KDM3B: variants seen among roughly 807,000 people sequenced by gnomAD.
KDM3B encodes the protein lysine-specific demethylase 3B.
A neutral mutation model predicts 170.0 loss-of-function variants in KDM3B; 10 were observed. The observed-to-expected ratio is 0.06, with a 90% CI of 0.04 to 0.10. KDM3B has a LOEUF of 0.10. Among genes scored for constraint, KDM3B ranks in the 10% least tolerant of loss-of-function variants. The pLI is 1.00. For missense variants in KDM3B, 1,394 were observed against 2,195.2 expected (o/e 0.64, Z 7.29); for synonymous variants, 831 against 834.8 (o/e 1.00, Z 0.08).
chr5:138,391,145 T>G lies in KDM3B; in HGVS notation c.1513T>G (p.Phe505Val), dbSNP rs750714428. ...AGCCACAGAGAACAAACCTTTGGGC[T>G]TCTCTTTTGGCTGTAGCTCTGCACA... The part of the protein sequence containing the change: ...VLATENKPLG[F>V]SFGCSSAQEA... The change falls in exon 8 of 24, where the codon TTC becomes GTC. Residue 505 changes from phenylalanine to valine, a missense_variant. Coordinates refer to ENST00000314358, the MANE Select transcript of KDM3B (RefSeq NM_016604.4). This position sits in a 1 kb window ranked among gnomAD's most constrained non-coding sequence, Gnocchi z 5.0. 6.2e-7 allele frequency: 1 copy of G among 1,614,200 alleles called. No homozygotes were observed. Among genetic ancestry groups the G allele is most frequent in the Non-Finnish European group, 8.5e-7 (1 of 1,180,010 alleles).
At chr5:138,410,393 C>T (rs1159819991) in intron 11 of KDM3B, among the ~76,000 whole-genome samples, 1 of 152,044 alleles carries the variant, frequency 6.6e-6, no homozygotes, top group Non-Finnish European at 1.5e-5. Context: ...CCCACACATA[C>T]ATAATCAATT....
intron 11 of KDM3B, among the ~76,000 whole-genome samples, chr5:138,401,230 C>A (rs1244706963): frequency 4.1e-5 from 6 of 146,408 alleles, no homozygotes; most frequent in Non-Finnish European, 7.4e-5. Flanking sequence ...GAGATCACGC[C>A]ACTGTACTCC....
chr5:138,358,813 T>G (rs1470949883), intron 1 of KDM3B, among the ~76,000 whole-genome samples: 1 of 149,644 alleles, frequency 6.7e-6, no homozygotes, highest in Non-Finnish European at 1.5e-5. Flanking sequence ...ATTATTATAC[T>G]TTAAGTTTTA....
intron 11 of KDM3B, among the ~76,000 whole-genome samples, chr5:138,403,546 G>A (rs1423537004): frequency 9.2e-5 from 14 of 151,926 alleles, no homozygotes; most frequent in Non-Finnish European, 1.9e-4. Flanking sequence ...GCATGGTGGC[G>A]GGTGCCTGTA....
chr5:138,352,982 CT>C lies in KDM3B; in HGVS notation c.188del (p.Leu63GlnfsTer5), dbSNP rs1488914959. 1 of 1,231,730 alleles carries C rather than the reference CT, an allele frequency of 8.1e-7. No homozygotes were observed. Among genetic ancestry groups the C allele is most frequent in the African/African-American group, 1.6e-5 (1 of 63,690 alleles). 76.3% of individuals were successfully genotyped at this position (1,231,730 alleles called of 1,614,324 possible). A position where few individuals can be genotyped will look rare whatever the true frequency, so the allele number is the denominator to read the frequency against. ...CATGAGCGGGGCGGTGCCCCAGGACCTAGCGGTGAGTGGCGGCCGAGTCGGG... is the reference window on the plus strand; with the variant it reads ...CATGAGCGGGGCGGTGCCCCAGGACCAGCGGTGAGTGGCGGCCGAGTCGGG... Reference protein sequence around the residue: ...RAMSGAVPQDLAIFVEFDGCN... With the variant: ...RAMSGAVPQDXAIFVEFDGCN... On this transcript the variant is annotated frameshift_variant, in exon 1 of 24. Coordinates refer to ENST00000314358, the MANE Select transcript of KDM3B (RefSeq NM_016604.4). LOFTEE classifies it high-confidence loss of function.
At chr5:138,397,438 G>A (rs569707451) in intron 9 of KDM3B, among the ~76,000 whole-genome samples, 42 of 152,160 alleles carry the variant, frequency 2.8e-4, no homozygotes, top group Non-Finnish European at 4.7e-4. Flanking sequence ...AGCCCAGGAG[G>A]TCAAGGCTGC....
At chr5:138,380,080 C>T (rs905169575) in intron 5 of KDM3B, among the ~76,000 whole-genome samples, 3 of 152,024 alleles carry the variant, frequency 2.0e-5, no homozygotes, top group Admixed American at 1.3e-4. Context: ...ATTTGCCTCT[C>T]GGGCTCAAGC....
At chr5:138,434,035 C>T (rs1763608064) in intron 23 of KDM3B, among the ~76,000 whole-genome samples, 1 of 152,112 alleles carries the variant, frequency 6.6e-6, no homozygotes, top group East Asian at 1.9e-4. Flanking sequence ...TCACCGTGCC[C>T]GTCCAACATT....
chr5:138,381,753 G>A lies in KDM3B; in HGVS notation c.780+163G>A, dbSNP rs1580896197. On this transcript the variant is annotated intron_variant, in intron 6 of 23. Coordinates refer to ENST00000314358, the MANE Select transcript of KDM3B (RefSeq NM_016604.4). The stretch of plus-strand genomic sequence containing the variant: ...TCCACAGTCTGTCTAATTAAGGGGG[G>A]ATATTCTCAAGAAAGAGACCTAGTT... 5.5e-6 allele frequency: 3 copies of A among 542,588 alleles called. No individual in the cohort carries two copies. The South Asian group carries it at 8.7e-5, about 16-fold the overall frequency. 33.6% of individuals were successfully genotyped at this position (542,588 alleles called of 1,614,324 possible). A position where few individuals can be genotyped will look rare whatever the true frequency, so the allele number is the denominator to read the frequency against.
chr5:138,372,091 C>T (rs924545009), intron 1 of KDM3B, among the ~76,000 whole-genome samples: 1 of 152,088 alleles, frequency 6.6e-6, no homozygotes, highest in Non-Finnish European at 1.5e-5. Context: ...CCAGCTTGGG[C>T]GACAGAGTGA....
At chr5:138,416,153 TTA>T (rs60484543) in intron 12 of KDM3B, among the ~76,000 whole-genome samples, 38,927 of 152,000 alleles carry the variant, frequency 0.26, 5,621 homozygotes, top group East Asian at 0.56. Flanking sequence ...GAATGAATGG[TTA>T]TGTTTGTGTC....
At chr5:138,430,161 C>G (rs1763494801) in intron 21 of KDM3B, 88 bp from the exon 22 acceptor site, 4 of 1,462,502 alleles carry the variant, frequency 2.7e-6, no homozygotes, top group East Asian at 4.8e-5. Flanking sequence ...CCATCCCCAC[C>G]CCATCTTAGG....
chr5:138,417,179 C>T (rs17538215), intron 12 of KDM3B, among the ~76,000 whole-genome samples: 38,900 of 152,032 alleles, frequency 0.26, 6,092 homozygotes, highest in South Asian at 0.4. Context: ...TGGAGGATAC[C>T]GTGTTAATGT....
At chr5:138,385,643 G>A (rs1482764554) in intron 6 of KDM3B, among the ~76,000 whole-genome samples, 4 of 152,220 alleles carry the variant, frequency 2.6e-5, no homozygotes, top group Admixed American at 1.3e-4. Flanking sequence ...AAGCAAGGAG[G>A]TAAATATGTA....
chr5:138,413,630 A>T (rs1561787291), intron 11 of KDM3B, among the ~76,000 whole-genome samples: 2 of 152,070 alleles, frequency 1.3e-5, no homozygotes, highest in Non-Finnish European at 2.9e-5. Flanking sequence ...TGCTTTATTT[A>T]TTTTTTTGTT....
At chr5:138,379,738 C>G (rs1174018246) in intron 5 of KDM3B, 30 bp downstream of exon 5, 1 of 1,592,010 alleles carries the variant, frequency 6.3e-7, no homozygotes, top group East Asian at 2.3e-5. Flanking sequence ...TGTCTAAGGT[C>G]CATCCATCCC....
intron 23 of KDM3B, among the ~76,000 whole-genome samples, chr5:138,433,629 G>A (rs1047803529): frequency 7.9e-5 from 12 of 151,770 alleles, no homozygotes; most frequent in Admixed American, 5.2e-4. Flanking sequence ...GGCTGGTCTC[G>A]AACTCCCGAC....
intron 4 of KDM3B, 88 bp from the exon 5 acceptor site, chr5:138,379,496 C>A: frequency 7.6e-7 from 1 of 1,319,176 alleles, no homozygotes; most frequent in Non-Finnish European, 1.0e-6. Context: ...CAAATATTTA[C>A]ATTATCTAAT....
In KDM3B at chr5:138,386,191, G is replaced by C; in HGVS notation, c.950G>C (p.Gly317Ala). 2 of 1,614,142 alleles carry C rather than the reference G, an allele frequency of 1.2e-6. No homozygotes were observed. The highest frequency in any genetic ancestry group is 1.7e-6 in the Non-Finnish European group (2 of 1,180,030). Residue 317 changes from glycine to alanine, a missense_variant, in exon 7 of 24, where the codon GGT (glycine) becomes GCT (alanine). Around this residue, in one of 19 missense-constraint regions of KDM3B, gnomAD observed 205 missense variants for 227.6 expected, o/e 0.90. Transcript: ENST00000314358. The part of the protein sequence containing the change: ...GEVDSNGSDG[G>A]EASRGPWKGG... ...GTAGACAGTAATGGGAGCGATGGAGGTGAGGCAAGCCGAGGGCCCTGGAAA... is the reference window on the plus strand; with the variant it reads ...GTAGACAGTAATGGGAGCGATGGAGCTGAGGCAAGCCGAGGGCCCTGGAAA...
Sources: gnomAD v4.1 joint callset for allele counts (sites outside exome capture counted in the v4.1 genomes callset) on GRCh38, gnomAD v4.1.1 for gene constraint, gnomAD v4.1.1 regional missense constraint, Gnocchi (gnomAD v3.1) non-coding constraint, MANE v1.5 for transcripts, NCBI Gene and HGNC (gene_info 2026-07-23, HGNC 2026-07-21) for gene names.